CSMD3: variants seen among roughly 807,000 people sequenced by gnomAD.
CSMD3 encodes the protein CUB and Sushi multiple domains 3, also known as CUB and sushi domain-containing protein 3.
In CSMD3, 177 loss-of-function variants were observed where a neutral mutation model predicts 435.2. The observed-to-expected ratio is 0.41, with a 90% CI of 0.36 to 0.46. CSMD3 has a LOEUF of 0.46. CSMD3 is among the 20% of genes least tolerant of loss of function. CSMD3 has a pLI of 0.34. For synonymous variants in CSMD3, 1,656 were observed against 1,520.5 expected (o/e 1.09, Z -2.07); for missense variants, 4,265 against 4,504.6 (o/e 0.95, Z 1.52).
Position 112,224,706 on chromosome 8 carries a change from G to T in CSMD3, c.*65C>A. The T allele has an allele frequency of 6.5e-7, 1 of 1,528,552 alleles. No individual in the cohort carries two copies. Among genetic ancestry groups the T allele is most frequent in the South Asian group, 1.1e-5 (1 of 89,264 alleles). 94.7% of individuals were successfully genotyped at this position (1,528,552 alleles called of 1,614,324 possible). A position where few individuals can be genotyped will look rare whatever the true frequency, so the allele number is the denominator to read the frequency against. On this transcript the variant is annotated 3_prime_UTR_variant, in exon 71 of 71. Transcript: ENST00000297405. ...AGTGTGCTTTAATTTGTTTAGCAGT[G>T]AACTAAATGTGCACTGTTTTGTGTG...
chr8:113,302,239 A>T (rs28602206), intron 2 of CSMD3, among the ~76,000 whole-genome samples: 1 of 108,834 alleles, frequency 9.2e-6, no homozygotes. Flanking sequence ...TATAATATAT[A>T]ATATAATATA....
chr8:112,852,974 T>C (rs1400424097), intron 11 of CSMD3, among the ~76,000 whole-genome samples: 1 of 152,060 alleles, frequency 6.6e-6, no homozygotes, highest in Non-Finnish European at 1.5e-5. Flanking sequence ...ATTATATTAA[T>C]AATACAAATA....
chr8:112,600,955 C>T (rs1166052287), intron 22 of CSMD3, among the ~76,000 whole-genome samples: 1 of 152,020 alleles, frequency 6.6e-6, no homozygotes, highest in Non-Finnish European at 1.5e-5. Context: ...AGGCGTGAGC[C>T]ACCGCGCCCG....
At chr8:113,378,494 A>C (rs1363606164) in intron 1 of CSMD3, among the ~76,000 whole-genome samples, 2 of 152,152 alleles carry the variant, frequency 1.3e-5, no homozygotes, top group African/African-American at 4.8e-5. Context: ...TCCTCAGAGG[A>C]TAGGGTAGAT....
At chr8:112,809,401 T>C (rs1343063454) in intron 12 of CSMD3, among the ~76,000 whole-genome samples, 1 of 152,150 alleles carries the variant, frequency 6.6e-6, no homozygotes, top group African/African-American at 2.4e-5. Flanking sequence ...AGCCAGCACC[T>C]CAGAAGAATT....
chr8:112,452,211 C>G (rs1026286), intron 32 of CSMD3, among the ~76,000 whole-genome samples: 64,912 of 152,028 alleles, frequency 0.43, 14,838 homozygotes, highest in Middle Eastern at 0.6. Context: ...AGTTATAAAA[C>G]AACCTATCTT....
chr8:112,380,182 T>G (rs1361060017), intron 38 of CSMD3, among the ~76,000 whole-genome samples, 170 bp downstream of exon 38: 2 of 152,218 alleles, frequency 1.3e-5, no homozygotes, highest in Admixed American at 6.5e-5. Context: ...ATTAAAACTT[T>G]ATTCATGTAA....
intron 27 of CSMD3, among the ~76,000 whole-genome samples, chr8:112,545,024 C>G (rs553243770): frequency 6.6e-6 from 1 of 152,286 alleles, no homozygotes; most frequent in African/African-American, 2.4e-5. Flanking sequence ...TGTAAATCAA[C>G]TGCTCAGTCT....
At chr8:112,642,843 C>T (rs2074871521) in intron 20 of CSMD3, among the ~76,000 whole-genome samples, 1 of 152,094 alleles carries the variant, frequency 6.6e-6, no homozygotes, top group African/African-American at 2.4e-5. Context: ...AGTATTATAA[C>T]ATGGCAGCAA....
At chr8:113,144,051 T>G (rs1321503160) in intron 4 of CSMD3, among the ~76,000 whole-genome samples, 1 of 150,452 alleles carries the variant, frequency 6.6e-6, no homozygotes, top group African/African-American at 2.4e-5. Context: ...GTGATAATTA[T>G]TTAGTTACTA....
intron 10 of CSMD3, among the ~76,000 whole-genome samples, chr8:112,905,419 T>C (rs1411838542): frequency 6.6e-6 from 1 of 151,192 alleles, no homozygotes; most frequent in Non-Finnish European, 1.5e-5. Context: ...TTTCTTGTGG[T>C]TGTGCACATC....
intron 11 of CSMD3, among the ~76,000 whole-genome samples, chr8:112,833,520 C>T (rs985130601): frequency 1.3e-5 from 2 of 151,964 alleles, no homozygotes; most frequent in East Asian, 3.9e-4. Context: ...TCTTACATAG[C>T]AAGCATGTCT....
At chr8:112,497,483 AT>A (rs2130883821) in intron 30 of CSMD3, among the ~76,000 whole-genome samples, 1 of 27,122 alleles carries the variant, frequency 3.7e-5, no homozygotes, top group South Asian at 9.5e-4. Flanking sequence ...CTCCATAAAT[AT>A]ATATATATAT....
intron 1 of CSMD3, among the ~76,000 whole-genome samples, chr8:113,387,556 G>A (rs2094444514): frequency 6.6e-6 from 1 of 151,674 alleles, no homozygotes; most frequent in Non-Finnish European, 1.5e-5. Context: ...TCCTCTTAGA[G>A]GAAGTAAAAT....
intron 4 of CSMD3, among the ~76,000 whole-genome samples, chr8:113,156,760 ATAAATAAATAAATAAAT>A (rs1303216254): frequency 3.5e-5 from 3 of 85,934 alleles, no homozygotes; most frequent in African/African-American, 1.0e-4. Flanking sequence ...AAATAAATAA[ATAAATAAATAAATAAAT>A]AAAGTTAGCC....
intron 10 of CSMD3, among the ~76,000 whole-genome samples, chr8:112,917,161 C>T (rs778959998): frequency 6.6e-6 from 1 of 151,832 alleles, no homozygotes; most frequent in Admixed American, 6.6e-5. Flanking sequence ...TGGAACAGAT[C>T]CATTCAAAAT....
rs1812414234 is a variant in CSMD3, at chr8:112,224,726, T to C, written c.*45A>G. 6.2e-7 allele frequency: 1 copy of C among 1,604,220 alleles called. No individual in the cohort carries two copies. The highest frequency in any genetic ancestry group is 8.5e-7 in the Non-Finnish European group (1 of 1,170,932). On this transcript the variant is annotated 3_prime_UTR_variant, in exon 71 of 71. Coordinates refer to ENST00000297405, the MANE Select transcript of CSMD3 (RefSeq NM_198123.2). The stretch of plus-strand genomic sequence containing the variant: ...GCAGTGAACTAAATGTGCACTGTTT[T>C]GTGTGTCGATTTCCAAGCTTCTGAA...
intron 2 of CSMD3, among the ~76,000 whole-genome samples, chr8:113,286,628 T>C (rs1273101913): frequency 2.0e-5 from 3 of 151,926 alleles, no homozygotes; most frequent in Non-Finnish European, 4.4e-5. Flanking sequence ...ACTATGTTTA[T>C]TAGGTTTTAA....
chr8:112,294,308 C>T (rs924491723), intron 54 of CSMD3, among the ~76,000 whole-genome samples: 3 of 151,928 alleles, frequency 2.0e-5, no homozygotes, highest in Admixed American at 6.6e-5. Flanking sequence ...TTCCTGTGAA[C>T]GCATACTAAA....
Sources: allele counts gnomAD v4.1 joint callset (sites outside exome capture counted in the v4.1 genomes callset), GRCh38; gene constraint gnomAD v4.1.1; transcripts MANE v1.5; gene names NCBI Gene and HGNC (gene_info 2026-07-23, HGNC 2026-07-21).